ERC2: variants seen among roughly 807,000 people sequenced by gnomAD.
The protein encoded by ERC2 is ERC protein 2.
Under a neutral mutation model 114.8 loss-of-function variants are expected in ERC2, and 42 were observed. That is an observed-to-expected ratio of 0.37 (90% CI 0.29 to 0.47). The LOEUF is 0.47. Ranked by LOEUF, ERC2 falls within the 20% of genes least tolerant of loss-of-function variation. The pLI is 0.99. For missense variants in ERC2, 939 were observed against 1,150.7 expected, an observed-to-expected ratio of 0.82 and a Z score of 2.66; for synonymous variants, 454 against 425.5, an observed-to-expected ratio of 1.07 and a Z score of -0.82.
chr3:55,827,432 G>A (rs982903488), intron 14 of ERC2, among the ~76,000 whole-genome samples: 3 of 151,814 alleles, frequency 2.0e-5, no homozygotes, highest in Non-Finnish European at 4.4e-5. Context: ...AAAAGAGAGG[G>A]AGGGAGGGAG....
chr3:56,023,767 A>AAAGGAAGG (rs768746262), intron 7 of ERC2, among the ~76,000 whole-genome samples: 1,099 of 49,624 alleles, frequency 0.022, 15 homozygotes, highest in Middle Eastern at 0.033. Flanking sequence ...ATGAATGAAA[A>AAAGGAAGG]AAGGAATGAA....
intron 1 of ERC2, among the ~76,000 whole-genome samples, chr3:56,443,494 A>C (rs2062415310): frequency 6.6e-6 from 1 of 152,192 alleles, no homozygotes; most frequent in Non-Finnish European, 1.5e-5. Context: ...GAAGGAAAGA[A>C]TCAGTTGACA....
intron 14 of ERC2, among the ~76,000 whole-genome samples, chr3:55,853,000 C>T (rs1316882374): frequency 6.6e-6 from 1 of 152,158 alleles, no homozygotes; most frequent in Non-Finnish European, 1.5e-5. Flanking sequence ...AGTAGCATAC[C>T]TTCTGGTTCC....
rs2059329965 is a variant in ERC2 at position 55,621,547 on chromosome 3, G to C, written c.*39+62247C>G. Among the ~76,000 whole-genome samples, 3 of 152,262 alleles carry C rather than the reference G, an allele frequency of 2.0e-5. No homozygotes were observed. In the South Asian group the frequency reaches 6.2e-4, roughly 32 times the overall value. On this transcript the variant is annotated intron_variant, in intron 17 of 17. Transcript: ENST00000288221. ...GCACTGATTTCAGGCACTGTACTAG[G>C]CTAGGGATACAGGGATCAAGAAACA...
rs140313984 is a variant in ERC2 at position 55,865,302 on chromosome 3, T to C, written c.2564+23087A>G. Among the ~76,000 whole-genome samples the C allele has an allele frequency of 4.1e-4, 63 of 152,308 alleles. No individual in the cohort carries two copies. In the East Asian group the frequency reaches 0.012, roughly 29 times the overall value. Reference sequence around the variant, plus strand: ...ACTTGGTAATACATTCCTTCGATGCTGAGCTAAAAAATGATTTTGAGGCTG... The same window carrying C: ...ACTTGGTAATACATTCCTTCGATGCCGAGCTAAAAAATGATTTTGAGGCTG... On this transcript the variant is annotated intron_variant, in intron 14 of 17. Transcript: ENST00000288221.
At chr3:56,178,331 T>C (rs1421886623) in intron 3 of ERC2, among the ~76,000 whole-genome samples, 8 of 152,174 alleles carry the variant, frequency 5.3e-5, no homozygotes, top group Non-Finnish European at 1.2e-4. Context: ...GTAAATCTAT[T>C]ACTGTATAAC....
At chr3:55,670,830 G>A (rs970591465) in intron 17 of ERC2, among the ~76,000 whole-genome samples, 4 of 152,110 alleles carry the variant, frequency 2.6e-5, no homozygotes, top group Admixed American at 1.3e-4. Context: ...TTCAACAGTT[G>A]GGGGGGAATT....
At chr3:55,666,394 T>C (rs2061358359) in intron 17 of ERC2, among the ~76,000 whole-genome samples, 1 of 152,236 alleles carries the variant, frequency 6.6e-6, no homozygotes, top group East Asian at 1.9e-4. Flanking sequence ...CAATGTTCAC[T>C]TCCCTTCCCT....
At chr3:56,399,785 T>C (rs964966876) in intron 2 of ERC2, among the ~76,000 whole-genome samples, 1 of 151,798 alleles carries the variant, frequency 6.6e-6, no homozygotes, top group Non-Finnish European at 1.5e-5. Context: ...AGGAACTTGG[T>C]TTTTATTCAG....
At chr3:55,682,375 T>C (rs1043049658) in intron 17 of ERC2, among the ~76,000 whole-genome samples, 3 of 152,166 alleles carry the variant, frequency 2.0e-5, no homozygotes, top group Admixed American at 2.0e-4. Context: ...TGTATTAACA[T>C]GAAGCAGGTT....
chr3:55,952,167 ACACACACACACACTCTCTCT>A (rs1559922400), intron 12 of ERC2, among the ~76,000 whole-genome samples: 6 of 68,440 alleles, frequency 8.8e-5, no homozygotes, highest in South Asian at 6.3e-4. Context: ...ACACACACAC[ACACACACACACACTCTCTCT>A]CTCTCTCTCT....
At chr3:56,171,955 G>GACT in intron 4 of ERC2, among the ~76,000 whole-genome samples, 1 of 138,906 alleles carries the variant, frequency 7.2e-6, no homozygotes, top group Non-Finnish European at 1.5e-5. Flanking sequence ...ATGGAAGGGG[G>GACT]ACTGAGTCAC....
intron 14 of ERC2, among the ~76,000 whole-genome samples, chr3:55,750,998 A>C (rs1489610026): frequency 6.6e-6 from 1 of 152,230 alleles, no homozygotes; most frequent in African/African-American, 2.4e-5. Context: ...TAATAGCTTA[A>C]TTAGGTTAGC....
intron 17 of ERC2, among the ~76,000 whole-genome samples, chr3:55,564,506 T>C (rs921987645): frequency 1.3e-5 from 2 of 152,164 alleles, no homozygotes; most frequent in Admixed American, 6.5e-5. Flanking sequence ...GGAATAATAC[T>C]CACATTGCAG....
intron 14 of ERC2, among the ~76,000 whole-genome samples, chr3:55,753,079 A>G (rs1243219327): frequency 6.6e-6 from 1 of 152,090 alleles, no homozygotes; most frequent in Non-Finnish European, 1.5e-5. Context: ...GAGACTCACA[A>G]TGCACACTGC....
chr3:56,153,819 C>T (rs866961453), intron 4 of ERC2, among the ~76,000 whole-genome samples: 1 of 152,098 alleles, frequency 6.6e-6, no homozygotes, highest in African/African-American at 2.4e-5. Flanking sequence ...TTTTAAATAC[C>T]GTGAGAATTA....
In ERC2 at chr3:56,148,969, G is replaced by A. The variant is rs760727269; in HGVS notation, c.1305+8C>T. 1 of 1,612,466 alleles carries A rather than the reference G, an allele frequency of 6.2e-7. No homozygotes were observed. Among genetic ancestry groups the A allele is most frequent in the South Asian group, 1.1e-5 (1 of 90,884 alleles). On this transcript the variant is annotated splice_region_variant and intron_variant, in intron 5 of 17. Transcript: ENST00000288221. The stretch of plus-strand genomic sequence containing the variant: ...AAGAACATAAAAGTTTATAACCCTG[G>A]ACCGTACCTTGGTCTTCATAAACTT...
At chr3:56,321,442 A>G (rs1436231145) in intron 2 of ERC2, among the ~76,000 whole-genome samples, 1 of 152,354 alleles carries the variant, frequency 6.6e-6, no homozygotes, top group South Asian at 2.1e-4. Context: ...AGGCACTGTA[A>G]AAGTTTAAAG....
At position 56,140,522 on chromosome 3, in the gene ERC2, G is replaced by C. The variant is rs549696628; in HGVS notation, c.1306-846C>G. ...ATAGAGTTCATTCATTTTCACTGAAGTAGAGTATTCCATTGTAAGACTTCA... is the reference window on the plus strand; with the variant it reads ...ATAGAGTTCATTCATTTTCACTGAACTAGAGTATTCCATTGTAAGACTTCA... On this transcript the variant is annotated intron_variant, in intron 5 of 17. Coordinates refer to ENST00000288221, the MANE Select transcript of ERC2 (RefSeq NM_015576.3). Among the ~76,000 whole-genome samples, 4 of 152,200 alleles carry C rather than the reference G, an allele frequency of 2.6e-5. No homozygotes were observed. In the South Asian group the frequency reaches 8.3e-4, roughly 32 times the overall value.
Sources: gnomAD v4.1 joint callset for allele counts (sites outside exome capture counted in the v4.1 genomes callset) on GRCh38, gnomAD v4.1.1 for gene constraint, MANE v1.5 for transcripts, NCBI Gene and HGNC (gene_info 2026-07-23, HGNC 2026-07-21) for gene names.